The following GTPBP6 variants were observed in gnomAD, a reference collection of about 807,000 sequenced individuals.
The protein encoded by GTPBP6 is GTP binding protein 6, also known as putative GTP-binding protein 6.
Under a neutral mutation model 28.9 loss-of-function variants are expected in GTPBP6, and 33 were observed. The ratio of observed to expected loss-of-function variants is 1.14; its 90% CI spans 0.87 to 1.53. The LOEUF (loss-of-function observed/expected upper bound fraction) is 1.53, where lower values mean the gene tolerates loss of function less well. Among genes scored for constraint, GTPBP6 ranks in the 40% most tolerant of loss-of-function variants. The pLI is 0.00. For missense variants in GTPBP6, 507 were observed against 408.3 expected, an observed-to-expected ratio of 1.24 and a Z score of -2.08; for synonymous variants, 231 against 192.7, an observed-to-expected ratio of 1.20 and a Z score of -1.65.
intron 2 of GTPBP6, among the ~76,000 whole-genome samples, 200 bp downstream of exon 2, chrX:316,714 G>A (rs1221875053): frequency 6.6e-6 from 1 of 152,148 alleles, no homozygotes; most frequent in East Asian, 1.9e-4. Flanking sequence ...AGGGCCCGGT[G>A]TGAATCTCGA....
rs1222108776 is a variant in GTPBP6, at chrX:316,266, GAC to G, written c.487+646_487+647del. 1.6e-4 allele frequency among the ~76,000 whole-genome samples: 4 copies of G among 24,276 alleles called. 2 individuals carry two copies. Among genetic ancestry groups the G allele is most frequent in the East Asian group, 2.6e-3 (2 of 776 alleles). The allele number at this position is 24,276 out of a possible 152,430, so 15.9% of individuals were successfully genotyped here. On this transcript the variant is annotated intron_variant, in intron 2 of 9. Transcript: ENST00000326153. ...ACATACACACGCAGACACACACACA[GAC>G]ACACACACAGTAAATACATCCCGAC...
chrX:317,138 G>C (rs2070453234), intron 1 of GTPBP6, 87 bp from the exon 2 acceptor site: 1 of 398,096 alleles, frequency 2.5e-6, no homozygotes. Flanking sequence ...TCCTGCCCTT[G>C]AGACAATCTC....
At chrX:307,694 G>C (rs1485102099) in intron 8 of GTPBP6, 38 bp downstream of exon 8, 2 of 1,459,366 alleles carry the variant, frequency 1.4e-6, no homozygotes, top group African/African-American at 2.9e-5. Context: ...GCGCGTGCAG[G>C]GGAAGGAGAC....
exon 4 of GTPBP6, chrX:314,996 C>T (rs1488970257): frequency 2.3e-5 from 9 of 398,558 alleles, no homozygotes; most frequent in Non-Finnish European, 3.1e-5. Context: ...AACACCTCCA[C>T]GCCCCAGGCG....
chrX:310,268 T>TAAGAGACAG (rs1354754930), intron 7 of GTPBP6, among the ~76,000 whole-genome samples: 15 of 147,668 alleles, frequency 1.0e-4, no homozygotes, highest in Non-Finnish European at 2.1e-4. Context: ...GGTGTCCTTC[T>TAAGAGACAG]AAGAGACAGA....
intron 1 of GTPBP6, among the ~76,000 whole-genome samples, chrX:317,448 A>G (rs2070458043): frequency 6.6e-6 from 1 of 151,396 alleles, no homozygotes; most frequent in Non-Finnish European, 1.5e-5. Context: ...ATTTTGGAAA[A>G]CACCCGTAAA....
intron 5 of GTPBP6, 114 bp downstream of exon 5, chrX:314,036 G>A (rs747061912): frequency 4.2e-5 from 35 of 836,856 alleles, no homozygotes; most frequent in East Asian, 3.4e-4. Context: ...ACCAGGAGAC[G>A]GAGACCCCAG....
intron 9 of GTPBP6, among the ~76,000 whole-genome samples, chrX:306,178 CACCT>C (rs2070158383): frequency 8.5e-5 from 13 of 152,202 alleles, no homozygotes; most frequent in African/African-American, 2.9e-4. Context: ...GCAGATTAGG[CACCT>C]GTTGTATGCA....
chrX:308,065 C>T, intron 7 of GTPBP6, among the ~76,000 whole-genome samples, 185 bp from the exon 8 acceptor site: 1 of 152,228 alleles, frequency 6.6e-6, no homozygotes, highest in South Asian at 2.1e-4. Context: ...TGGACGCGAG[C>T]CCACCCGGCT....
intron 7 of GTPBP6, 33 bp downstream of exon 7, chrX:311,386 C>T (rs369213302): frequency 0.013 from 12,933 of 966,554 alleles, 113 homozygotes; most frequent in African/African-American, 0.026. Flanking sequence ...AATGGGTGTC[C>T]GAGCACCCGA....
intron 5 of GTPBP6, 85 bp from the exon 6 acceptor site, chrX:313,009 C>G: frequency 8.1e-7 from 1 of 1,238,946 alleles, no homozygotes; most frequent in South Asian, 1.4e-5. Context: ...TCTGCGGGGG[C>G]CCGGGGCCTG....
intron 2 of GTPBP6, among the ~76,000 whole-genome samples, 183 bp downstream of exon 2, chrX:316,731 T>A (rs1343287329): frequency 1.6e-4 from 24 of 152,128 alleles, no homozygotes; most frequent in South Asian, 4.1e-4. Context: ...TCGACACAGA[T>A]AAAGCCTCAC....
At chrX:308,870 G>T (rs28454735) in intron 7 of GTPBP6, among the ~76,000 whole-genome samples, 1 of 151,598 alleles carries the variant, frequency 6.6e-6, no homozygotes, top group East Asian at 2.0e-4. Flanking sequence ...TGAGTAGCTG[G>T]GACTACAGGC....
chrX:308,691 A>G (rs2070223234), intron 7 of GTPBP6, among the ~76,000 whole-genome samples: 1 of 151,894 alleles, frequency 6.6e-6, no homozygotes, highest in South Asian at 2.1e-4. Flanking sequence ...AAAGAAGAAA[A>G]GTAAAAACAA....
At chrX:313,045 G>A (rs1216408117) in intron 5 of GTPBP6, 121 bp from the exon 6 acceptor site, 25 of 797,090 alleles carry the variant, frequency 3.1e-5, no homozygotes, top group East Asian at 1.3e-4. Context: ...CTGGGGGCCC[G>A]GCTGCTTTCC....
chrX:314,086 G>GGT, intron 5 of GTPBP6, 64 bp downstream of exon 5: 1 of 1,144,650 alleles, frequency 8.7e-7, no homozygotes, highest in Non-Finnish European at 1.3e-6. Flanking sequence ...GGCTGAGAAG[G>GGT]GTGGCTGCCG....
Position 312,650 on chromosome X carries a change from A to T in GTPBP6, c.916+116T>A, listed in dbSNP as rs759313496. 9.3e-6 allele frequency: 10 copies of T among 1,079,944 alleles called. No homozygotes were observed. The African/African-American group carries it at 1.1e-4, about 12-fold the overall frequency. The allele number at this position is 1,079,944 out of a possible 1,614,324, so 66.9% of individuals were successfully genotyped here. ...AACCCCCTCTCCTGGGCACGTGCTCACCGCAGCTGTCGTACGGCACCACTG... is the reference window on the plus strand; with the variant it reads ...AACCCCCTCTCCTGGGCACGTGCTCTCCGCAGCTGTCGTACGGCACCACTG... On this transcript the variant is annotated intron_variant, in intron 6 of 9. Transcript: ENST00000326153.
chrX:308,252 TC>T (rs1242629357), intron 7 of GTPBP6, among the ~76,000 whole-genome samples: 1 of 152,128 alleles, frequency 6.6e-6, no homozygotes, highest in Admixed American at 6.5e-5. Context: ...AATTATTTCC[TC>T]TTTAAAGGAT....
intron 2 of GTPBP6, among the ~76,000 whole-genome samples, chrX:315,510 C>T (rs1339538627): frequency 1.0e-4 from 15 of 147,280 alleles, no homozygotes; most frequent in African/African-American, 1.8e-4. Context: ...GACATGCATA[C>T]GGTGAACACA....
Sources: gnomAD v4.1 joint callset for allele counts (sites outside exome capture counted in the v4.1 genomes callset) on GRCh38, gnomAD v4.1.1 for gene constraint, MANE v1.5 for transcripts, NCBI Gene and HGNC (gene_info 2026-07-23, HGNC 2026-07-21) for gene names.